The following CSNK2A2IP variants were observed in gnomAD, a reference collection of about 807,000 sequenced individuals.
The protein encoded by CSNK2A2IP is casein kinase II subunit alpha'-interacting protein.
At chr3:88,449,874 T>TGGG in the CSNK2A2IP span, among the ~76,000 whole-genome samples, 5 of 70,044 alleles carry the variant, frequency 7.1e-5, no homozygotes, top group African/African-American at 2.3e-4. Flanking sequence ...TATATATATA[T>TGGG]AGAGAGAGAG....
chr3:88,428,281 C>T, the CSNK2A2IP span, among the ~76,000 whole-genome samples: 2 of 152,128 alleles, frequency 1.3e-5, no homozygotes, highest in African/African-American at 4.8e-5. Flanking sequence ...AAGCAATTAA[C>T]TTGCTTTTGA....
the CSNK2A2IP span, among the ~76,000 whole-genome samples, chr3:88,368,519 T>C: frequency 6.6e-6 from 1 of 151,870 alleles, no homozygotes; most frequent in African/African-American, 2.4e-5. Flanking sequence ...TAATTGAAAA[T>C]ATCTTAAATC....
the CSNK2A2IP span, among the ~76,000 whole-genome samples, chr3:88,342,282 T>C: frequency 3.0e-4 from 45 of 152,160 alleles, no homozygotes; most frequent in East Asian, 2.5e-3. Flanking sequence ...AAAGCTTTTC[T>C]GTACATCGTG....
the CSNK2A2IP span, among the ~76,000 whole-genome samples, chr3:88,350,394 C>G: frequency 4.6e-3 from 695 of 152,166 alleles, 2 homozygotes; most frequent in African/African-American, 0.016. Context: ...AGTGGCTCAA[C>G]TACAAGTATA....
chr3:88,448,461 G>A, the CSNK2A2IP span, among the ~76,000 whole-genome samples: 2 of 152,132 alleles, frequency 1.3e-5, no homozygotes, highest in Non-Finnish European at 2.9e-5. Context: ...TTTGCCTGTG[G>A]TTGCTCTATC....
At chr3:88,407,712 CTATTTATT>C in the CSNK2A2IP span, among the ~76,000 whole-genome samples, 16 of 150,060 alleles carry the variant, frequency 1.1e-4, no homozygotes, top group South Asian at 2.1e-4. Flanking sequence ...AGTGTGCAAT[CTATTTATT>C]TATTTATTTA....
At chr3:88,452,308 C>T in the CSNK2A2IP span, among the ~76,000 whole-genome samples, 10 of 151,526 alleles carry the variant, frequency 6.6e-5, no homozygotes, top group South Asian at 4.2e-4. Flanking sequence ...AAATTAAAAG[C>T]GAAAAAATTA....
the CSNK2A2IP span, chr3:88,465,810 A>G: frequency 0.092 from 113,018 of 1,231,548 alleles, 6,299 homozygotes; most frequent in Admixed American, 0.3. Context: ...TGAGTTTACA[A>G]TTACCCTTCT....
At chr3:88,466,622 T>G in the CSNK2A2IP span, 1 of 1,231,296 alleles carries the variant, frequency 8.1e-7, no homozygotes, top group Non-Finnish European at 1.0e-6. Context: ...CCCTGCATTG[T>G]TAAAGGTGGA....
At chr3:88,412,929 G>T in the CSNK2A2IP span, among the ~76,000 whole-genome samples, 6 of 151,964 alleles carry the variant, frequency 3.9e-5, no homozygotes, top group Admixed American at 3.3e-4. Flanking sequence ...TATGCAGCAC[G>T]TGGCTATATA....
chr3:88,408,973 G>A, the CSNK2A2IP span, among the ~76,000 whole-genome samples: 1 of 151,912 alleles, frequency 6.6e-6, no homozygotes, highest in Non-Finnish European at 1.5e-5. Context: ...ATTGAAAAGG[G>A]GCCCAGGAAT....
chr3:88,397,433 A>G, the CSNK2A2IP span, among the ~76,000 whole-genome samples: 1 of 152,190 alleles, frequency 6.6e-6, no homozygotes, highest in South Asian at 2.1e-4. Context: ...CTATAAAATT[A>G]CTATTATTAA....
chr3:88,442,854 C>T, the CSNK2A2IP span, among the ~76,000 whole-genome samples: 1 of 151,076 alleles, frequency 6.6e-6, no homozygotes, highest in African/African-American at 2.4e-5. Flanking sequence ...TTGTTATGTC[C>T]CTTAATATAA....
At chr3:88,365,506 A>C in the CSNK2A2IP span, among the ~76,000 whole-genome samples, 2 of 152,182 alleles carry the variant, frequency 1.3e-5, no homozygotes, top group Non-Finnish European at 2.9e-5. Context: ...AAACATTCCC[A>C]GGTCCTCAGC....
At chr3:88,395,406 A>G in the CSNK2A2IP span, among the ~76,000 whole-genome samples, 2 of 152,174 alleles carry the variant, frequency 1.3e-5, no homozygotes, top group Non-Finnish European at 2.9e-5. Flanking sequence ...AGTTACTCCA[A>G]CACCATTTGG....
chr3:88,393,347 A>C, the CSNK2A2IP span, among the ~76,000 whole-genome samples: 62 of 152,352 alleles, frequency 4.1e-4, 1 homozygote, highest in East Asian at 0.011. Context: ...GAAAGTGCTT[A>C]GTGTATTCAC....
At chr3:88,381,566 G>T in the CSNK2A2IP span, among the ~76,000 whole-genome samples, 1 of 152,318 alleles carries the variant, frequency 6.6e-6, no homozygotes, top group Non-Finnish European at 1.5e-5. Flanking sequence ...TAGCCTTGAT[G>T]CTGTTATGTG....
At chr3:88,431,727 A>C in the CSNK2A2IP span, among the ~76,000 whole-genome samples, 2 of 152,240 alleles carry the variant, frequency 1.3e-5, no homozygotes, top group African/African-American at 4.8e-5. Context: ...AGTTGTGGGC[A>C]CAGGTCTTCT....
chr3:88,367,438 A>C, the CSNK2A2IP span, among the ~76,000 whole-genome samples: 1 of 152,106 alleles, frequency 6.6e-6, no homozygotes, highest in East Asian at 1.9e-4. Flanking sequence ...GTGGCTTAAC[A>C]CATGATGTTT....
Sources: gnomAD v4.1 joint callset for allele counts (sites outside exome capture counted in the v4.1 genomes callset) on GRCh38, gnomAD v4.1.1 for gene constraint, MANE v1.5 for transcripts, NCBI Gene and HGNC (gene_info 2026-07-23, HGNC 2026-07-21) for gene names.